The following OLA1 variants were observed in gnomAD, a reference collection of about 807,000 sequenced individuals.
The protein encoded by OLA1 is Obg like ATPase 1.
A neutral mutation model predicts 48.4 loss-of-function variants in OLA1; 14 were observed. That is an observed-to-expected ratio of 0.29 (90% CI 0.19 to 0.45). The LOEUF (loss-of-function observed/expected upper bound fraction) is 0.45. OLA1 is among the 20% of genes least tolerant of loss of function. OLA1 has a pLI of 1.00. For missense variants in OLA1, 325 were observed against 467.1 expected (o/e 0.70, Z 2.80); for synonymous variants, 127 against 150.4 (o/e 0.84, Z 1.14).
At chr2:174,235,054 GAGGCTGCGGT>G (rs1251532360) in intron 2 of OLA1, among the ~76,000 whole-genome samples, 1 of 152,160 alleles carries the variant, frequency 6.6e-6, no homozygotes, top group Non-Finnish European at 1.5e-5. Flanking sequence ...AGCTACGTGG[GAGGCTGCGGT>G]AGGAGAATTG....
intron 7 of OLA1, among the ~76,000 whole-genome samples, chr2:174,113,426 T>C (rs1574488481): frequency 6.6e-6 from 1 of 152,318 alleles, no homozygotes; most frequent in South Asian, 2.1e-4. Context: ...ATAAGAGCCA[T>C]TGTATTTTCT....
rs184302918 is a variant in OLA1 at position 174,114,127 on chromosome 2, G to T, written c.728+9053C>A. 3.2e-3 allele frequency among the ~76,000 whole-genome samples: 450 copies of T among 138,644 alleles called. 2 individuals carry two copies. Among genetic ancestry groups the T allele is most frequent in the Non-Finnish European group, 5.7e-3 (378 of 66,148 alleles). 91.0% of individuals were successfully genotyped at this position (138,644 alleles called of 152,430 possible). On this transcript the variant is annotated intron_variant, in intron 7 of 10. Coordinates refer to ENST00000284719, the MANE Select transcript of OLA1 (RefSeq NM_013341.5). ...GCGGATCACGAGGTCAGGAGATCAA[G>T]ACCATCCTGGCTAACACGGTGAAAC...
At chr2:174,112,500 T>C (rs916337465) in intron 7 of OLA1, among the ~76,000 whole-genome samples, 1 of 152,152 alleles carries the variant, frequency 6.6e-6, no homozygotes, top group Non-Finnish European at 1.5e-5. Flanking sequence ...GTGCTGTGGT[T>C]TGAATGTGCC....
intron 3 of OLA1, among the ~76,000 whole-genome samples, chr2:174,228,315 A>G (rs1237099753): frequency 6.6e-6 from 1 of 152,196 alleles, no homozygotes; most frequent in Non-Finnish European, 1.5e-5. Flanking sequence ...AGCAATAAAT[A>G]TAAGTATTAT....
intron 7 of OLA1, among the ~76,000 whole-genome samples, chr2:174,102,368 C>T (rs1041578181): frequency 1.3e-5 from 2 of 151,672 alleles, no homozygotes; most frequent in African/African-American, 2.4e-5. Context: ...TTACTAATCC[C>T]TAGGGAAGAG....
chr2:174,078,218 C>T (rs1684790551), intron 10 of OLA1, among the ~76,000 whole-genome samples: 8 of 151,888 alleles, frequency 5.3e-5, no homozygotes, highest in Admixed American at 5.3e-4. Flanking sequence ...TCTTTAAATT[C>T]TATAACATTT....
At chr2:174,181,598 G>A (rs1046720332) in intron 4 of OLA1, among the ~76,000 whole-genome samples, 4 of 152,076 alleles carry the variant, frequency 2.6e-5, no homozygotes, top group Admixed American at 6.6e-5. Flanking sequence ...CACTTGTTAT[G>A]ATCAGAGGGA....
intron 4 of OLA1, among the ~76,000 whole-genome samples, chr2:174,210,545 G>A (rs1393518390): frequency 6.6e-6 from 1 of 152,076 alleles, no homozygotes; most frequent in Non-Finnish European, 1.5e-5. Context: ...TAAGGTATAA[G>A]GGAAAGGGGT....
intron 2 of OLA1, among the ~76,000 whole-genome samples, chr2:174,243,085 T>C (rs573190713): frequency 1.0e-3 from 152 of 152,196 alleles, no homozygotes; most frequent in Admixed American, 2.5e-3. Flanking sequence ...CTCAGCTCAC[T>C]GATACCTCCG....
intron 4 of OLA1, among the ~76,000 whole-genome samples, chr2:174,220,439 A>G (rs929906471): frequency 2.0e-5 from 3 of 152,180 alleles, no homozygotes; most frequent in African/African-American, 4.8e-5. Flanking sequence ...ACTCACACAC[A>G]TATTCCTTTC....
In OLA1 at chr2:174,141,965, C is replaced by T. The variant is rs1350196223; in HGVS notation, c.409G>A (p.Gly137Arg). The T allele has an allele frequency of 1.2e-6, 2 of 1,613,220 alleles. No homozygotes were observed. The highest frequency in any genetic ancestry group is 1.7e-5 in the Admixed American group (1 of 59,934). ...ATATCTCGAATAGGATCTACACTTC[C>T]TTCAACGTGCGTGATATCATCATCT... is the stretch of plus-strand genomic sequence containing the variant. ...FEDDDITHVE[G>R]SVDPIRDIEI... Residue 137 changes from glycine to arginine, a missense_variant, in exon 5 of 11, where the codon GGA becomes AGA. Gly to Arg is a moderately radical substitution (Grantham distance 125). Transcript: ENST00000284719.
chr2:174,085,074 T>C (rs1684938248), intron 7 of OLA1, among the ~76,000 whole-genome samples: 1 of 152,204 alleles, frequency 6.6e-6, no homozygotes, highest in South Asian at 2.1e-4. Flanking sequence ...ACACACTTGA[T>C]TTCCTCAGTC....
chr2:174,225,877 T>A (rs1304739938), intron 3 of OLA1, among the ~76,000 whole-genome samples: 1 of 152,152 alleles, frequency 6.6e-6, no homozygotes, highest in East Asian at 1.9e-4. Flanking sequence ...GATATTCAGC[T>A]CTGAGATTCT....
Position 174,224,700 on chromosome 2 carries a change from G to C in OLA1, c.246-1540C>G, listed in dbSNP as rs544624880. ...TAAATAGAAGCTCATCAGTCTTCTGGGAGAACTTCTAGAAGCAATCCCGTT... is the reference window on the plus strand; with the variant it reads ...TAAATAGAAGCTCATCAGTCTTCTGCGAGAACTTCTAGAAGCAATCCCGTT... On this transcript the variant is annotated intron_variant, in intron 3 of 10. Coordinates refer to ENST00000284719, the MANE Select transcript of OLA1 (RefSeq NM_013341.5). Among the ~76,000 whole-genome samples the C allele has an allele frequency of 5.8e-3, 887 of 152,216 alleles. 7 individuals are homozygous for C. Among genetic ancestry groups the C allele is most frequent in the Middle Eastern group, 0.017 (5 of 294 alleles).
At chr2:174,130,984 T>C (rs1375720322) in intron 5 of OLA1, among the ~76,000 whole-genome samples, 1 of 152,140 alleles carries the variant, frequency 6.6e-6, no homozygotes, top group Admixed American at 6.5e-5. Context: ...ACAAATATTT[T>C]TAATGAAACC....
chr2:174,142,197 C>T (rs918140694), intron 4 of OLA1, among the ~76,000 whole-genome samples, 197 bp from the exon 5 acceptor site: 2 of 152,008 alleles, frequency 1.3e-5, no homozygotes, highest in Admixed American at 1.3e-4. Context: ...AGTTCAAGAG[C>T]CTCCATATTT....
intron 4 of OLA1, among the ~76,000 whole-genome samples, chr2:174,180,721 C>T (rs1201092676): frequency 6.6e-6 from 1 of 152,162 alleles, no homozygotes; most frequent in Admixed American, 6.6e-5. Flanking sequence ...ATACAAGTTA[C>T]ACTGGAAATA....
intron 4 of OLA1, among the ~76,000 whole-genome samples, chr2:174,190,584 C>T (rs10930649): frequency 0.53 from 80,448 of 151,140 alleles, 21,971 homozygotes; most frequent in East Asian, 0.95. Context: ...ATGTTGGATA[C>T]ATGAAATTCT....
In OLA1 at chr2:174,190,544, A is replaced by G. The variant is rs568165553; in HGVS notation, c.373+32489T>C. 4.6e-5 allele frequency among the ~76,000 whole-genome samples: 7 copies of G among 151,818 alleles called. No individual in the cohort carries two copies. In the South Asian group the frequency reaches 1.2e-3, roughly 27 times the overall value. On this transcript the variant is annotated intron_variant, in intron 4 of 10. Coordinates refer to ENST00000284719, the MANE Select transcript of OLA1 (RefSeq NM_013341.5). Reference sequence around the variant, plus strand: ...TATGAAATATATTCTATATTTATATATTTTATAGAATTTCATAGAATGAAA... The same window carrying G: ...TATGAAATATATTCTATATTTATATGTTTTATAGAATTTCATAGAATGAAA...
Sources: allele counts gnomAD v4.1 joint callset (sites outside exome capture counted in the v4.1 genomes callset), GRCh38; gene constraint gnomAD v4.1.1; transcripts MANE v1.5; gene names NCBI Gene and HGNC (gene_info 2026-07-23, HGNC 2026-07-21).